The following TNRC18 variants were observed in gnomAD, a reference collection of about 807,000 sequenced individuals.
TNRC18 encodes the protein trinucleotide repeat containing 18, also known as trinucleotide repeat-containing gene 18 protein.
Under a neutral mutation model 226.7 loss-of-function variants are expected in TNRC18, and 69 were observed. The ratio of observed to expected loss-of-function variants is 0.30; its 90% CI spans 0.25 to 0.37. TNRC18 has a LOEUF of 0.37. Among genes scored for constraint, TNRC18 ranks in the 10% least tolerant of loss-of-function variants. TNRC18 has a pLI of 1.00. For missense variants in TNRC18, 4,754 were observed against 4,256.6 expected, an observed-to-expected ratio of 1.12 and a Z score of -3.25; for synonymous variants, 2,449 against 1,927.6, an observed-to-expected ratio of 1.27 and a Z score of -7.09.
intron 14 of TNRC18, among the ~76,000 whole-genome samples, chr7:5,361,242 C>G (rs1259722792): frequency 6.6e-6 from 1 of 152,200 alleles, no homozygotes; most frequent in Non-Finnish European, 1.5e-5. Flanking sequence ...CCCGTCCCAA[C>G]AAGCAAGGCT....
intron 18 of TNRC18, among the ~76,000 whole-genome samples, chr7:5,340,903 G>A (rs1790621126): frequency 6.6e-6 from 1 of 152,120 alleles, no homozygotes. Context: ...TTTGCAATGT[G>A]GACAAAACAG....
Position 5,308,331 on chromosome 7 carries a change from A to C in TNRC18, c.8701-19T>G. Reference sequence around the variant, plus strand: ...GCGCGCGCTGCGGGCACGCGGGGATATCAGGATGGCAGGTGGGGGGCACAG... The same window carrying C: ...GCGCGCGCTGCGGGCACGCGGGGATCTCAGGATGGCAGGTGGGGGGCACAG... On this transcript the variant is annotated intron_variant, in intron 29 of 29. Transcript: ENST00000430969. The C allele has an allele frequency of 6.3e-7, 1 of 1,597,088 alleles. No individual in the cohort carries two copies. The highest frequency in any genetic ancestry group is 8.5e-7 in the Non-Finnish European group (1 of 1,172,778).
intron 5 of TNRC18, among the ~76,000 whole-genome samples, chr7:5,379,068 G>A (rs773944903): frequency 4.8e-4 from 73 of 152,080 alleles, no homozygotes; most frequent in Non-Finnish European, 7.1e-4. Context: ...GTGGTGGTGC[G>A]CACCTGTGAT....
intron 2 of TNRC18, among the ~76,000 whole-genome samples, chr7:5,399,841 A>G (rs1463828127): frequency 6.6e-6 from 1 of 151,922 alleles, no homozygotes; most frequent in Non-Finnish European, 1.5e-5. Context: ...CCTGGCCAAC[A>G]TGGCGAAAAC....
At chr7:5,327,186 TAATA>T (rs1425210570) in intron 19 of TNRC18, among the ~76,000 whole-genome samples, 1 of 151,664 alleles carries the variant, frequency 6.6e-6, no homozygotes, top group East Asian at 1.9e-4. Flanking sequence ...GGTAGAAAAG[TAATA>T]AATAAAGATA....
intron 17 of TNRC18, among the ~76,000 whole-genome samples, chr7:5,346,208 G>A (rs953158417): frequency 1.3e-5 from 2 of 152,230 alleles, no homozygotes; most frequent in Non-Finnish European, 2.9e-5. Context: ...GAAAGAGGAA[G>A]CGGAGGGAGG....
At chr7:5,403,637 A>T (rs34188049) in intron 2 of TNRC18, among the ~76,000 whole-genome samples, 45,770 of 151,648 alleles carry the variant, frequency 0.3, 7,277 homozygotes, top group South Asian at 0.34. Flanking sequence ...CAAAAAAATT[A>T]AAAAATTAGC....
chr7:5,420,325 T>C (rs535229051), intron 2 of TNRC18: 9 of 454,314 alleles, frequency 2.0e-5, no homozygotes, highest in African/African-American at 1.6e-4. Context: ...CGCTCTCTTC[T>C]TTCCCCCTAG....
chr7:5,339,067 G>A (rs974011030), intron 18 of TNRC18, among the ~76,000 whole-genome samples: 3 of 151,942 alleles, frequency 2.0e-5, no homozygotes, highest in Admixed American at 2.0e-4. Context: ...GGAGGCCAAT[G>A]AGCGCAGATC....
chr7:5,317,626 C>A (rs1426011295), intron 24 of TNRC18, among the ~76,000 whole-genome samples: 19 of 151,596 alleles, frequency 1.3e-4, no homozygotes, highest in Admixed American at 9.9e-4. Flanking sequence ...GAAAAACAAT[C>A]CTCTGAGAAA....
At position 5,324,081 on chromosome 7, in the gene TNRC18, C is replaced by T; in HGVS notation, c.6442+133G>A. On this transcript the variant is annotated intron_variant, in intron 21 of 29. Transcript: ENST00000430969. This position sits in a 1 kb window ranked among gnomAD's most constrained non-coding sequence, Gnocchi z 4.8. ...CTCATCGACCCGGATAACTCAGCCT[C>T]AGGATCTCTGCTCCTGTGGTTCCCT... 3 of 1,035,522 alleles carry T rather than the reference C, an allele frequency of 2.9e-6. No homozygotes were observed. The highest frequency in any genetic ancestry group is 3.2e-5 in the South Asian group (2 of 61,680). 64.1% of individuals were successfully genotyped at this position (1,035,522 alleles called of 1,614,324 possible).
At chr7:5,373,887 T>C (rs1242748064) in intron 10 of TNRC18, among the ~76,000 whole-genome samples, 168 bp downstream of exon 10, 1 of 151,924 alleles carries the variant, frequency 6.6e-6, no homozygotes, top group African/African-American at 2.4e-5. Flanking sequence ...TGGATTTGAC[T>C]GTGAGCTCCT....
chr7:5,347,247 G>A (rs1437590039), intron 17 of TNRC18, among the ~76,000 whole-genome samples: 1 of 151,164 alleles, frequency 6.6e-6, no homozygotes, highest in African/African-American at 2.4e-5. Flanking sequence ...GAGTGCAGTG[G>A]CACGATTTCG....
rs115988581 is a variant in TNRC18, at chr7:5,374,543, C to T, written c.2800-59G>A. 1.8e-3 allele frequency: 2,740 copies of T among 1,487,894 alleles called. 45 individuals are homozygous for T. The African/African-American group carries it at 0.034, about 18-fold the overall frequency. 92.2% of individuals were successfully genotyped at this position (1,487,894 alleles called of 1,614,324 possible). A position where few individuals can be genotyped will look rare whatever the true frequency, so the allele number is the denominator to read the frequency against. On this transcript the variant is annotated intron_variant, in intron 9 of 29. Transcript: ENST00000430969. ...CACGAGTTTCCCCCTCCCCGACGCC[C>T]GCACCTGCCCTGTCCCCCCAAGGGT...
At chr7:5,340,716 C>A (rs144321639) in intron 18 of TNRC18, among the ~76,000 whole-genome samples, 296 of 150,620 alleles carry the variant, frequency 2.0e-3, no homozygotes, top group African/African-American at 7.1e-3. Flanking sequence ...ACATTCCAGC[C>A]TGGGCAACAG....
At chr7:5,408,115 C>G (rs1206174038) in intron 2 of TNRC18, among the ~76,000 whole-genome samples, 1 of 152,056 alleles carries the variant, frequency 6.6e-6, no homozygotes, top group Non-Finnish European at 1.5e-5. Flanking sequence ...TCCTGGCCAA[C>G]ATGGTGAAAC....
chr7:5,339,785 G>C (rs537504696), intron 18 of TNRC18, among the ~76,000 whole-genome samples: 1 of 151,234 alleles, frequency 6.6e-6, no homozygotes, highest in East Asian at 1.9e-4. Flanking sequence ...GGTCAGGCTG[G>C]TCTCGAACTC....
chr7:5,349,570 A>C (rs1443589189), intron 17 of TNRC18, among the ~76,000 whole-genome samples: 1 of 152,192 alleles, frequency 6.6e-6, no homozygotes, highest in Non-Finnish European at 1.5e-5. Flanking sequence ...AGGTGCACGG[A>C]GGACAGAAAG....
rs866470895 is a variant in TNRC18, at chr7:5,308,450, G to A, written c.8701-138C>T. On this transcript the variant is annotated intron_variant, in intron 29 of 29. Transcript: ENST00000430969. ...AGAGACCAAGTCAGAGACAGAGGCT[G>A]AGTAAGAGACAGACCAACAAAAGAG... 5.8e-5 allele frequency: 45 copies of A among 777,676 alleles called. No homozygotes were observed. In the Middle Eastern group the frequency reaches 1.1e-3, roughly 19 times the overall value. The allele number at this position is 777,676 out of a possible 1,614,324, so 48.2% of individuals were successfully genotyped here.
Sources: allele counts gnomAD v4.1 joint callset (sites outside exome capture counted in the v4.1 genomes callset), GRCh38; gene constraint gnomAD v4.1.1; non-coding constraint Gnocchi (gnomAD v3.1); transcripts MANE v1.5; gene names NCBI Gene and HGNC (gene_info 2026-07-23, HGNC 2026-07-21).